The following ZNF536 variants were observed in gnomAD, a reference collection of about 807,000 sequenced individuals.
The protein encoded by ZNF536 is zinc finger protein 536.
ZNF536 carries 13 observed loss-of-function variants against 84.5 expected under a neutral mutation model. That is an observed-to-expected ratio of 0.15 (90% CI 0.10 to 0.24). The LOEUF is 0.24. Ranked by LOEUF, ZNF536 falls within the 10% of genes least tolerant of loss-of-function variation. The pLI, the probability that ZNF536 is intolerant of heterozygous loss-of-function variation, is 1.00. For synonymous variants in ZNF536, 811 were observed against 742.5 expected (o/e 1.09, Z -1.50); for missense variants, 1,536 against 1,747.5 (o/e 0.88, Z 2.16).
chr19:30,613,814 A>G (rs1170752581), intron 1 of ZNF536, among the ~76,000 whole-genome samples: 1 of 151,860 alleles, frequency 6.6e-6, no homozygotes. Flanking sequence ...TTAAGCACAG[A>G]TTGAAACACA....
At chr19:30,634,708 G>A (rs545302301) in intron 1 of ZNF536, among the ~76,000 whole-genome samples, 303 of 152,248 alleles carry the variant, frequency 2.0e-3, no homozygotes, top group Middle Eastern at 6.8e-3. Flanking sequence ...AATGAGGCCA[G>A]GACTGAAGTC....
chr19:30,406,257 C>T (rs1363667235), intron 1 of ZNF536, among the ~76,000 whole-genome samples: 1 of 152,036 alleles, frequency 6.6e-6, no homozygotes, highest in African/African-American at 2.4e-5. Flanking sequence ...TAGTCAACCG[C>T]GATGCATGCC....
At chr19:30,701,284 A>G (rs1391229886) in intron 1 of ZNF536, among the ~76,000 whole-genome samples, 2 of 148,408 alleles carry the variant, frequency 1.3e-5, no homozygotes. Flanking sequence ...GACGCATACA[A>G]ACACAAACAC....
intron 1 of ZNF536, chr19:30,436,596 C>CT (rs1451468709): frequency 1.4e-6 from 1 of 703,024 alleles, no homozygotes; most frequent in East Asian, 1.3e-4. Context: ...GTTCAGTAGT[C>CT]TGATGTTCTG....
intron 1 of ZNF536, among the ~76,000 whole-genome samples, chr19:30,236,292 C>G (rs2144750751): frequency 6.6e-6 from 1 of 152,342 alleles, no homozygotes; most frequent in South Asian, 2.1e-4. Flanking sequence ...CACAGCCTGC[C>G]TGGAGCTCTC....
intron 1 of ZNF536, among the ~76,000 whole-genome samples, chr19:30,418,193 C>T (rs918788591): frequency 2.0e-5 from 3 of 151,738 alleles, no homozygotes; most frequent in Non-Finnish European, 4.4e-5. Context: ...GTTCCCTGGC[C>T]TATTATGCTT....
rs770180821 is a variant in ZNF536, at chr19:30,444,420, C to T, written c.858C>T (p.Arg286=). The T allele has an allele frequency of 3.7e-6, 6 of 1,608,126 alleles. No individual in the cohort carries two copies. Among genetic ancestry groups the T allele is most frequent in the South Asian group, 3.3e-5 (3 of 91,092 alleles). The change falls in exon 2 of 5, where the codon CGC becomes CGT. Residue 286 remains arginine (R), a synonymous_variant. Coordinates refer to ENST00000355537, the MANE Select transcript of ZNF536 (RefSeq NM_014717.3). ...CTFCKGKFKK[R]EELDRHIRIL... is the part of the protein sequence containing the mutation. Reference sequence around the variant, plus strand: ...TCTGCAAGGGCAAGTTCAAGAAGCGCGAGGAGCTGGACCGCCACATCCGCA... The same window carrying T: ...TCTGCAAGGGCAAGTTCAAGAAGCGTGAGGAGCTGGACCGCCACATCCGCA...
At chr19:30,661,545 G>C (rs1729591341) in intron 1 of ZNF536, among the ~76,000 whole-genome samples, 1 of 152,188 alleles carries the variant, frequency 6.6e-6, no homozygotes, top group Non-Finnish European at 1.5e-5. Context: ...TAAAATGTGT[G>C]TTCCCTCTCA....
At chr19:30,570,545 A>G (rs1473566886) in intron 1 of ZNF536, among the ~76,000 whole-genome samples, 1 of 152,176 alleles carries the variant, frequency 6.6e-6, no homozygotes, top group Non-Finnish European at 1.5e-5. Context: ...CAATCACAAA[A>G]TGAATTAATT....
chr19:30,459,817 C>T (rs1458640005), intron 2 of ZNF536, among the ~76,000 whole-genome samples: 2 of 152,190 alleles, frequency 1.3e-5, no homozygotes, highest in South Asian at 4.1e-4. Flanking sequence ...GTCGAGCAGT[C>T]ACTGATGCTG....
In ZNF536 at chr19:30,693,017, TGGGG is replaced by T. The variant is rs200399517; in HGVS notation, c.170-17736_170-17733del. Among the ~76,000 whole-genome samples, 157 of 150,164 alleles carry T rather than the reference TGGGG, an allele frequency of 1.0e-3. 2 individuals carry two copies. In the South Asian group the frequency reaches 0.017, roughly 16 times the overall value. ...ATCTTAGTTTAGCAGCTCCAAAACCTGGGGGGGAGAGAGAGAGAGAGAGAGAGAG... is the reference window on the plus strand; with the variant it reads ...ATCTTAGTTTAGCAGCTCCAAAACCTGGGAGAGAGAGAGAGAGAGAGAGAG... On this transcript the variant is annotated intron_variant, in intron 1 of 1. Coordinates refer to the ZNF536 transcript ENST00000592773.
chr19:30,308,354 T>G (rs554337329), intron 2 of ZNF536, among the ~76,000 whole-genome samples: 1 of 152,284 alleles, frequency 6.6e-6, no homozygotes, highest in Admixed American at 6.5e-5. Context: ...TGTGAACATT[T>G]TTTTTTTCAT....
At chr19:30,344,762 T>TC (rs554868185) in intron 2 of ZNF536, among the ~76,000 whole-genome samples, 17 of 152,170 alleles carry the variant, frequency 1.1e-4, no homozygotes, top group Non-Finnish European at 1.9e-4. Context: ...CCTGCATTCA[T>TC]CCCCTCATTT....
At chr19:30,588,742 T>C (rs1054457388) in intron 1 of ZNF536, among the ~76,000 whole-genome samples, 7 of 152,212 alleles carry the variant, frequency 4.6e-5, no homozygotes, top group African/African-American at 1.4e-4. Flanking sequence ...AACACTCTCA[T>C]GTTTTCATTG....
intron 1 of ZNF536, among the ~76,000 whole-genome samples, chr19:30,628,298 C>T (rs2048760445): frequency 6.6e-6 from 1 of 152,232 alleles, no homozygotes; most frequent in African/African-American, 2.4e-5. Context: ...TCTGCCACCA[C>T]CCCAGGACCC....
At chr19:30,712,007 G>A (rs1401809622) in exon 2 of ZNF536, 1 of 152,032 alleles carries the variant, frequency 6.6e-6, no homozygotes, top group Non-Finnish European at 1.5e-5. Flanking sequence ...TCACAGACAT[G>A]AAGCAAGATT....
chr19:30,696,655 T>C (rs1568681348), intron 1 of ZNF536, among the ~76,000 whole-genome samples: 1 of 152,048 alleles, frequency 6.6e-6, no homozygotes, highest in East Asian at 1.9e-4. Context: ...GCAAAATCTG[T>C]AGGGCATGCG....
At chr19:30,383,757 C>CTTTCT (rs145848886) in intron 1 of ZNF536, among the ~76,000 whole-genome samples, 3 of 86,868 alleles carry the variant, frequency 3.5e-5, no homozygotes, top group Non-Finnish European at 7.6e-5. Flanking sequence ...TTCTTTCTTT[C>CTTTCT]TCTTTCTTTC....
chr19:30,345,236 C>CG (rs1307496829), intron 2 of ZNF536, among the ~76,000 whole-genome samples: 1 of 100,814 alleles, frequency 9.9e-6, no homozygotes, highest in African/African-American at 3.7e-5. Flanking sequence ...GACCACGCCC[C>CG]GGGGGCTCCC....
Sources: gnomAD v4.1 joint callset for allele counts (sites outside exome capture counted in the v4.1 genomes callset) on GRCh38, gnomAD v4.1.1 for gene constraint, MANE v1.5 for transcripts, NCBI Gene and HGNC (gene_info 2026-07-23, HGNC 2026-07-21) for gene names.